CNTN4: variants seen among roughly 807,000 people sequenced by gnomAD.
The protein encoded by CNTN4 is contactin 4.
In CNTN4, 77 loss-of-function variants were observed where a neutral mutation model predicts 122.5. The ratio of observed to expected loss-of-function variants is 0.63; its 90% CI spans 0.52 to 0.76. CNTN4 has a LOEUF of 0.76. Ranked by LOEUF, CNTN4 falls within the 30% of genes least tolerant of loss-of-function variation. The pLI is 0.00. For missense variants in CNTN4, 1,256 were observed against 1,259.1 expected, an observed-to-expected ratio of 1.00 and a Z score of 0.04; for synonymous variants, 512 against 447.0, an observed-to-expected ratio of 1.15 and a Z score of -1.83.
At chr3:2,296,818 TC>T (rs1309381688) in intron 2 of CNTN4, among the ~76,000 whole-genome samples, 1 of 151,154 alleles carries the variant, frequency 6.6e-6, no homozygotes, top group African/African-American at 2.4e-5. Context: ...AAACTATAAT[TC>T]CAATGAGGTA....
chr3:2,773,033 G>A (rs2091170422), intron 6 of CNTN4, among the ~76,000 whole-genome samples: 1 of 152,182 alleles, frequency 6.6e-6, no homozygotes, highest in Non-Finnish European at 1.5e-5. Flanking sequence ...TGGCAACATG[G>A]AATTGACTTT....
intron 6 of CNTN4, among the ~76,000 whole-genome samples, chr3:2,800,079 CT>C (rs11449693): frequency 3.4e-4 from 47 of 136,440 alleles, no homozygotes; most frequent in Middle Eastern, 3.9e-3. Context: ...ATGCCATCTA[CT>C]TTTTTTTTTT....
chr3:2,566,646 T>C (rs1482529986), intron 3 of CNTN4, among the ~76,000 whole-genome samples: 1 of 152,178 alleles, frequency 6.6e-6, no homozygotes, highest in Non-Finnish European at 1.5e-5. Context: ...AAATAAACGA[T>C]GATAGTTAAT....
intron 3 of CNTN4, among the ~76,000 whole-genome samples, chr3:2,503,886 AT>A (rs1207924091): frequency 6.6e-6 from 1 of 152,066 alleles, no homozygotes; most frequent in Non-Finnish European, 1.5e-5. Flanking sequence ...AACTGGCCAT[AT>A]TTGGCTTTAC....
At chr3:2,368,177 G>GC (rs369399616) in intron 3 of CNTN4, among the ~76,000 whole-genome samples, 46,964 of 148,752 alleles carry the variant, frequency 0.32, 7,603 homozygotes, top group Middle Eastern at 0.42. Context: ...GGACTACAGG[G>GC]CCCGCCACCA....
chr3:2,441,463 A>G (rs988527248), intron 3 of CNTN4, among the ~76,000 whole-genome samples: 2 of 152,202 alleles, frequency 1.3e-5, no homozygotes, highest in Non-Finnish European at 2.9e-5. Context: ...ACTCTTGTTC[A>G]TGGAGAAATA....
chr3:3,055,262 T>TTATC (rs10687205), intron 24 of CNTN4, among the ~76,000 whole-genome samples: 130,164 of 151,856 alleles, frequency 0.86, 56,187 homozygotes, highest in Non-Finnish European at 0.91. Flanking sequence ...AGATTGGGGC[T>TTATC]TATCTCGCTT....
intron 7 of CNTN4, among the ~76,000 whole-genome samples, chr3:2,828,146 T>C (rs1323175027): frequency 6.6e-6 from 1 of 152,008 alleles, no homozygotes; most frequent in African/African-American, 2.4e-5. Flanking sequence ...TGTGTGTGCG[T>C]GTGTGTATAA....
chr3:2,271,403 G>C (rs1159462579), intron 2 of CNTN4, among the ~76,000 whole-genome samples: 1 of 152,024 alleles, frequency 6.6e-6, no homozygotes, highest in Non-Finnish European at 1.5e-5. Flanking sequence ...ATAATTACAT[G>C]GATTCAATTT....
intron 6 of CNTN4, among the ~76,000 whole-genome samples, chr3:2,748,066 C>A (rs1394918767): frequency 6.6e-6 from 1 of 152,140 alleles, no homozygotes; most frequent in Non-Finnish European, 1.5e-5. Context: ...TATGTTAATT[C>A]ATCTATTGCA....
chr3:2,733,105 C>G (rs1191433039), intron 4 of CNTN4, among the ~76,000 whole-genome samples: 1 of 152,210 alleles, frequency 6.6e-6, no homozygotes, highest in East Asian at 1.9e-4. Context: ...AATCCACAGT[C>G]TCTCAGCTGC....
chr3:3,026,387 A>C, intron 15 of CNTN4, 110 bp downstream of exon 15: 1 of 932,776 alleles, frequency 1.1e-6, no homozygotes, highest in Non-Finnish European at 1.7e-6. Flanking sequence ...ATGGCAAGAA[A>C]CTCTTGGTTA....
At chr3:2,638,892 A>G (rs970442487) in intron 4 of CNTN4, among the ~76,000 whole-genome samples, 12 of 152,130 alleles carry the variant, frequency 7.9e-5, no homozygotes, top group Admixed American at 2.0e-4. Flanking sequence ...TATGTTCAGA[A>G]CCCAACTATT....
At chr3:2,150,297 T>TG (rs1553579516) in intron 2 of CNTN4, among the ~76,000 whole-genome samples, 2 of 151,966 alleles carry the variant, frequency 1.3e-5, no homozygotes, top group Non-Finnish European at 2.9e-5. Context: ...TTTTAATAAG[T>TG]AAAAAAAAGT....
At chr3:2,233,844 A>C (rs2039580288) in intron 2 of CNTN4, among the ~76,000 whole-genome samples, 1 of 152,216 alleles carries the variant, frequency 6.6e-6, no homozygotes. Flanking sequence ...ATTTGAGCCC[A>C]GTGAATTTTC....
At chr3:2,407,547 A>C (rs2047082875) in intron 3 of CNTN4, among the ~76,000 whole-genome samples, 1 of 152,192 alleles carries the variant, frequency 6.6e-6, no homozygotes. Context: ...TATAAAGAAC[A>C]CTGGAGAGGG....
chr3:3,039,762 A>G (rs1365344704), intron 19 of CNTN4: 3 of 388,542 alleles, frequency 7.7e-6, no homozygotes, highest in Non-Finnish European at 1.4e-5. Flanking sequence ...TTTTTTTTTT[A>G]CAATCATTTC....
At chr3:2,406,454 G>C (rs2047039728) in intron 3 of CNTN4, among the ~76,000 whole-genome samples, 1 of 152,158 alleles carries the variant, frequency 6.6e-6, no homozygotes, top group Non-Finnish European at 1.5e-5. Context: ...ACAAGAAGAG[G>C]ATGTTAGTGA....
At position 3,026,169 on chromosome 3, in the gene CNTN4, G is replaced by A. The variant is rs7639977; in HGVS notation, c.1554G>A (p.Pro518=). The change falls in exon 15 of 25, where the codon CCG becomes CCA. Residue 518 remains proline (P), a synonymous_variant. Transcript: ENST00000418658. ...DVTVGESIVL[P]CQVTHDHSLD... is the part of the protein sequence containing the mutation. ...CTGTTGGAGAGAGTATTGTTTTACC[G>A]TGCCAGGTAACGCATGATCACTCGC... 160,487 of 1,611,994 alleles carry A rather than the reference G, an allele frequency of 0.1. 9,705 individuals carry two copies. The highest frequency in any genetic ancestry group is 0.28 in the African/African-American group (21,251 of 74,714).
Sources: gnomAD v4.1 joint callset for allele counts (sites outside exome capture counted in the v4.1 genomes callset) on GRCh38, gnomAD v4.1.1 for gene constraint, MANE v1.5 for transcripts, NCBI Gene and HGNC (gene_info 2026-07-23, HGNC 2026-07-21) for gene names.